SCARA5: variants seen among roughly 807,000 people sequenced by gnomAD.
SCARA5 encodes scavenger receptor class A member 5, also known as scavenger receptor class A, member 5 (putative).
In SCARA5, 45 loss-of-function variants were observed where a neutral mutation model predicts 46.3. That is an observed-to-expected ratio of 0.97 (90% CI 0.76 to 1.24). SCARA5 has a LOEUF of 1.24. SCARA5 is among the 50% of genes most tolerant of loss of function. The probability of loss-of-function intolerance (pLI) is 0.00; values close to 1 mark genes in which losing one functional copy is unlikely to be tolerated. For synonymous variants in SCARA5, 333 were observed against 306.5 expected, an observed-to-expected ratio of 1.09 and a Z score of -0.90; for missense variants, 680 against 689.0, an observed-to-expected ratio of 0.99 and a Z score of 0.15.
At chr8:27,961,364 A>T (rs1808291357) in intron 3 of SCARA5, among the ~76,000 whole-genome samples, 1 of 152,092 alleles carries the variant, frequency 6.6e-6, no homozygotes, top group Non-Finnish European at 1.5e-5. Context: ...TTCTTGCCAC[A>T]TGACGTGCCT....
chr8:27,950,264 C>T (rs191126579), intron 3 of SCARA5, among the ~76,000 whole-genome samples: 32 of 152,266 alleles, frequency 2.1e-4, no homozygotes, highest in Admixed American at 1.4e-3. Flanking sequence ...TGCACTTTGA[C>T]GCGAGCCAGA....
At chr8:27,974,119 C>G (rs1028282636) in intron 2 of SCARA5, among the ~76,000 whole-genome samples, 1 of 152,062 alleles carries the variant, frequency 6.6e-6, no homozygotes, top group Non-Finnish European at 1.5e-5. Context: ...GTGGAGAGAA[C>G]CTTGAACCTC....
intron 7 of SCARA5, among the ~76,000 whole-genome samples, chr8:27,881,756 G>T (rs761943209): frequency 9.2e-5 from 14 of 152,004 alleles, no homozygotes; most frequent in Non-Finnish European, 2.1e-4. Context: ...TTGATTGAAA[G>T]GTACAGAAAA....
chr8:27,912,468 C>T (rs1466691863), intron 4 of SCARA5, among the ~76,000 whole-genome samples: 1 of 152,186 alleles, frequency 6.6e-6, no homozygotes, highest in Non-Finnish European at 1.5e-5. Context: ...GTTTTCAGAC[C>T]ACATGATTGA....
intron 3 of SCARA5, among the ~76,000 whole-genome samples, chr8:27,957,563 C>G (rs574163738): frequency 6.6e-6 from 1 of 152,212 alleles, no homozygotes; most frequent in Non-Finnish European, 1.5e-5. Context: ...GACTCCGGTG[C>G]CATGCACTTC....
intron 4 of SCARA5, among the ~76,000 whole-genome samples, chr8:27,913,940 A>C (rs1807419404): frequency 6.6e-6 from 1 of 152,168 alleles, no homozygotes; most frequent in South Asian, 2.1e-4. Context: ...AGTCCCTCTT[A>C]GTCCTGAGAC....
chr8:27,957,675 T>G lies in SCARA5; in HGVS notation c.241+8739A>C, dbSNP rs191891908. Among the ~76,000 whole-genome samples, 7 of 152,350 alleles carry G rather than the reference T, an allele frequency of 4.6e-5. No homozygotes were observed. In the East Asian group the frequency reaches 1.4e-3, roughly 29 times the overall value. The stretch of plus-strand genomic sequence containing the variant: ...GCAGTCCAGGCACCCATTCCCCAGC[T>G]GTGGGGCCGTGGGCCAGAGTAGGCA... On this transcript the variant is annotated intron_variant, in intron 3 of 8. Transcript: ENST00000354914.
chr8:27,991,966 C>T (rs550094766), intron 1 of SCARA5, among the ~76,000 whole-genome samples: 1 of 152,304 alleles, frequency 6.6e-6, no homozygotes, highest in South Asian at 2.1e-4. Context: ...TGAGTAGGCT[C>T]TTGAGCTGTG....
rs769543029 is a variant in SCARA5 at position 27,870,922 on chromosome 8, C to T, written c.*1012G>A. 3 of 152,250 alleles carry T rather than the reference C, an allele frequency of 2.0e-5. No homozygotes were observed. The highest frequency in any genetic ancestry group is 4.4e-5 in the Non-Finnish European group (3 of 68,062). 9.4% of individuals were successfully genotyped at this position (152,250 alleles called of 1,614,324 possible). A position where few individuals can be genotyped will look rare whatever the true frequency, so the allele number is the denominator to read the frequency against. ...GGCTTTAACCGTGACTGCCCAATGC[C>T]AGAGCACTGGACTCAGGTTTAACAT... On this transcript the variant is annotated 3_prime_UTR_variant, in exon 9 of 9. Coordinates refer to ENST00000354914, the MANE Select transcript of SCARA5 (RefSeq NM_173833.6).
chr8:27,898,591 T>A (rs1032297027), intron 7 of SCARA5, among the ~76,000 whole-genome samples: 7 of 152,254 alleles, frequency 4.6e-5, no homozygotes, highest in Admixed American at 4.6e-4. Flanking sequence ...GACAGGAGCA[T>A]CTCTTGTGAG....
Position 27,871,589 on chromosome 8 carries a change from A to G in SCARA5, c.*345T>C. 2.6e-6 allele frequency: 3 copies of G among 1,137,330 alleles called. No individual in the cohort carries two copies. Among genetic ancestry groups the G allele is most frequent in the African/African-American group, 3.1e-5 (2 of 63,680 alleles). 70.5% of individuals were successfully genotyped at this position (1,137,330 alleles called of 1,614,324 possible). A position where few individuals can be genotyped will look rare whatever the true frequency, so the allele number is the denominator to read the frequency against. ...CTGCACTTGTCTCTGACACATTCTC[A>G]GCATTCACCTGTAACTAAAAGGCCA... is the stretch of plus-strand genomic sequence containing the variant. On this transcript the variant is annotated 3_prime_UTR_variant, in exon 9 of 9. Transcript: ENST00000354914.
chr8:27,896,535 C>T (rs1807066178), intron 7 of SCARA5, among the ~76,000 whole-genome samples: 1 of 152,160 alleles, frequency 6.6e-6, no homozygotes, highest in Admixed American at 6.5e-5. Flanking sequence ...GGGATGACGA[C>T]ATACCCCAGA....
chr8:27,958,960 C>T (rs369636819), intron 3 of SCARA5, among the ~76,000 whole-genome samples: 19 of 152,232 alleles, frequency 1.2e-4, no homozygotes, highest in East Asian at 1.9e-4. Flanking sequence ...AGGTCAGGCG[C>T]GGTGGCTCAT....
intron 7 of SCARA5, among the ~76,000 whole-genome samples, chr8:27,901,392 G>T (rs1807151215): frequency 6.6e-6 from 1 of 152,138 alleles, no homozygotes. Flanking sequence ...GTGGAGGAGG[G>T]TAGCTCTCCG....
intron 7 of SCARA5, among the ~76,000 whole-genome samples, chr8:27,901,908 A>G (rs1585474790): frequency 6.6e-6 from 1 of 152,136 alleles, no homozygotes; most frequent in Admixed American, 6.5e-5. Context: ...TGGCCTAAGG[A>G]CGTGAGGAAG....
chr8:27,876,746 G>C (rs1025043582), intron 8 of SCARA5, among the ~76,000 whole-genome samples: 2 of 152,186 alleles, frequency 1.3e-5, no homozygotes, highest in African/African-American at 4.8e-5. Context: ...TCCAGAGAGA[G>C]TGTGCAGAAC....
intron 7 of SCARA5, among the ~76,000 whole-genome samples, chr8:27,894,971 A>G (rs1807040739): frequency 6.6e-6 from 1 of 152,030 alleles, no homozygotes; most frequent in South Asian, 2.1e-4. Flanking sequence ...AATACCCCAA[A>G]ACCTGCTTGG....
chr8:27,950,594 C>A (rs1263742674), intron 3 of SCARA5, among the ~76,000 whole-genome samples: 5 of 152,100 alleles, frequency 3.3e-5, no homozygotes, highest in Non-Finnish European at 4.4e-5. Flanking sequence ...AGAGCATGAC[C>A]CAGAAGGAGG....
intron 6 of SCARA5, among the ~76,000 whole-genome samples, chr8:27,905,538 A>AGGGG (rs1563519490): frequency 1.6e-4 from 6 of 36,640 alleles, no homozygotes; most frequent in African/African-American, 3.6e-4. Context: ...GGGGGAAAAA[A>AGGGG]AAAAGGCAGC....
Sources: allele counts gnomAD v4.1 joint callset (sites outside exome capture counted in the v4.1 genomes callset), GRCh38; gene constraint gnomAD v4.1.1; transcripts MANE v1.5; gene names NCBI Gene and HGNC (gene_info 2026-07-23, HGNC 2026-07-21).